KIFC3: variants seen among roughly 807,000 people sequenced by gnomAD.
KIFC3 encodes kinesin family member C3, also known as kinesin-like protein KIFC3.
KIFC3 carries 60 observed loss-of-function variants against 101.8 expected under a neutral mutation model. The ratio of observed to expected loss-of-function variants is 0.59; its 90% CI spans 0.48 to 0.73. KIFC3 has a LOEUF of 0.73. Among genes scored for constraint, KIFC3 ranks in the 30% least tolerant of loss-of-function variants. The probability of loss-of-function intolerance (pLI) is 0.00; values close to 1 mark genes in which losing one functional copy is unlikely to be tolerated. For synonymous variants in KIFC3, 476 were observed against 482.7 expected, an observed-to-expected ratio of 0.99 and a Z score of 0.18; for missense variants, 966 against 1,137.1, an observed-to-expected ratio of 0.85 and a Z score of 2.16.
intron 1 of KIFC3, among the ~76,000 whole-genome samples, chr16:57,819,955 G>A (rs986862645): frequency 3.9e-4 from 59 of 152,172 alleles, no homozygotes; most frequent in African/African-American, 1.4e-3. Flanking sequence ...TCCAACCTCC[G>A]CCTCCTGGGT....
chr16:57,847,268 AAGGG>A (rs1555482764), intron 1 of KIFC3, among the ~76,000 whole-genome samples: 1 of 58,574 alleles, frequency 1.7e-5, no homozygotes, highest in Non-Finnish European at 3.1e-5. Flanking sequence ...GGAAGGAAGG[AAGGG>A]AAGGGAGGGA....
At chr16:57,819,051 G>C (rs874505) in intron 1 of KIFC3, among the ~76,000 whole-genome samples, 70,438 of 151,864 alleles carry the variant, frequency 0.46, 17,497 homozygotes, top group African/African-American at 0.64. Flanking sequence ...TCCAGTTGCT[G>C]CCAGCCAAGA....
At chr16:57,797,577 A>C in intron 2 of KIFC3, 1 of 489,008 alleles carries the variant, frequency 2.0e-6, no homozygotes, top group Non-Finnish European at 2.8e-6. Context: ...AAATGAGCAC[A>C]TGGACCCCAA....
At chr16:57,822,435 C>T (rs2055368912) in intron 1 of KIFC3, among the ~76,000 whole-genome samples, 2 of 152,298 alleles carry the variant, frequency 1.3e-5, no homozygotes, top group South Asian at 4.1e-4. Context: ...GGCGCGGTGG[C>T]TCACACCTGT....
intron 3 of KIFC3, 26 bp from the exon 4 acceptor site, chr16:57,772,314 G>A (rs373134760): frequency 1.6e-4 from 258 of 1,603,904 alleles, no homozygotes; most frequent in Non-Finnish European, 5.0e-5. Flanking sequence ...CAGGAGCAAG[G>A]TGAGCCTCAG....
intron 3 of KIFC3, among the ~76,000 whole-genome samples, chr16:57,790,078 C>CTTTCTTTCTTTTT (rs59016221): frequency 2.8e-4 from 26 of 94,086 alleles, no homozygotes; most frequent in Non-Finnish European, 4.1e-4. Flanking sequence ...TTCTTTCTTT[C>CTTTCTTTCTTTTT]TTTTTTTTTT....
chr16:57,830,717 T>C (rs564338885), intron 1 of KIFC3: 1 of 152,314 alleles, frequency 6.6e-6, no homozygotes, highest in Non-Finnish European at 1.5e-5. Flanking sequence ...TTGGCTGAAA[T>C]AAAATGCTTT....
intron 1 of KIFC3, among the ~76,000 whole-genome samples, chr16:57,842,912 G>A (rs1004686185): frequency 2.6e-5 from 4 of 152,100 alleles, no homozygotes; most frequent in African/African-American, 4.8e-5. Context: ...CAGGAAGATC[G>A]CCTGAGGGAC....
In KIFC3 at chr16:57,802,355, G is replaced by A; in HGVS notation, c.-40+15C>T. 4 of 980,664 alleles carry A rather than the reference G, an allele frequency of 4.1e-6. No homozygotes were observed. Among genetic ancestry groups the A allele is most frequent in the South Asian group, 4.7e-5 (1 of 21,216 alleles). The allele number at this position is 980,664 out of a possible 1,614,324, so 60.7% of individuals were successfully genotyped here. ...CGCCCCGCTCGCACCCAGCCCGCCCGGGCCCCCCACTCACCGGCCTGGCGG... is the reference window on the plus strand; with the variant it reads ...CGCCCCGCTCGCACCCAGCCCGCCCAGGCCCCCCACTCACCGGCCTGGCGG... On this transcript the variant is annotated intron_variant, in intron 1 of 19. Coordinates refer to ENST00000445690, the MANE Select transcript of KIFC3 (RefSeq NM_001130100.2). This position sits in a 1 kb window ranked among gnomAD's most constrained non-coding sequence, Gnocchi z 5.0.
At chr16:57,797,521 T>C (rs1452690580) in intron 2 of KIFC3, among the ~76,000 whole-genome samples, 4 of 152,188 alleles carry the variant, frequency 2.6e-5, no homozygotes, top group African/African-American at 9.6e-5. Context: ...GCCAAGACTC[T>C]GGGACCTCTG....
intron 1 of KIFC3, among the ~76,000 whole-genome samples, chr16:57,849,042 T>C (rs527416765): frequency 3.9e-5 from 6 of 152,368 alleles, no homozygotes; most frequent in Admixed American, 1.3e-4. Flanking sequence ...ACACTTTTTC[T>C]GTGCTTTTCC....
chr16:57,835,472 T>C (rs1265715660), intron 1 of KIFC3, among the ~76,000 whole-genome samples: 1 of 152,230 alleles, frequency 6.6e-6, no homozygotes. Flanking sequence ...ATTAATATAA[T>C]AGGAGTGAAC....
At position 57,798,122 on chromosome 16, in the gene KIFC3, C is replaced by T. The variant is rs1555623853; in HGVS notation, c.122G>A (p.Ser41Asn). The change falls in exon 2 of 20, where the codon AGC (serine) becomes AAC (asparagine). Residue 41 changes from serine (S) to asparagine (N), a missense_variant. This residue lies in a region of KIFC3 where 277 missense variants were observed against 252.5 expected (regional missense o/e 1.10). Coordinates refer to ENST00000445690, the MANE Select transcript of KIFC3 (RefSeq NM_001130100.2). ...GTGTGGGAAAGGGCGGGCGGCCGGG[C>T]TGGCTGGGGCTGGGGCGGGGCGAGC... ...GMARPAPAPASPAARPFPHTG... is the reference protein window; with the variant it reads ...GMARPAPAPANPAARPFPHTG... The T allele has an allele frequency of 3.8e-6, 6 of 1,568,396 alleles. No individual in the cohort carries two copies. Among genetic ancestry groups the T allele is most frequent in the Non-Finnish European group, 5.2e-6 (6 of 1,157,188 alleles).
intron 1 of KIFC3, among the ~76,000 whole-genome samples, chr16:57,837,554 G>GAAGGAAGAAAGA (rs71152302): frequency 4.7e-4 from 47 of 100,012 alleles, no homozygotes; most frequent in South Asian, 1.5e-3. Flanking sequence ...AGGAAGGAAG[G>GAAGGAAGAAAGA]AAGAAAGAAA....
intron 10 of KIFC3, 133 bp downstream of exon 10, chr16:57,766,741 G>T: frequency 3.3e-6 from 2 of 614,458 alleles, no homozygotes; most frequent in Non-Finnish European, 5.7e-6. Flanking sequence ...TGCCTTCTCT[G>T]TGCCTCTGTT....
At position 57,763,467 on chromosome 16, in the gene KIFC3, C is replaced by T. The variant is rs1436211342; in HGVS notation, c.1617+676G>A. Among the ~76,000 whole-genome samples, 6 of 152,162 alleles carry T rather than the reference C, an allele frequency of 3.9e-5. No individual in the cohort carries two copies. The South Asian group carries it at 6.2e-4, about 16-fold the overall frequency. ...TGGCTAGCCCCTTCCCCTGTCCAGA[C>T]GCCACACCACCTGGCCTCCTCCTGA... On this transcript the variant is annotated intron_variant, in intron 12 of 19. Transcript: ENST00000445690.
At chr16:57,764,716 AG>A (rs2050258340) in intron 11 of KIFC3, among the ~76,000 whole-genome samples, 1 of 151,966 alleles carries the variant, frequency 6.6e-6, no homozygotes, top group African/African-American at 2.4e-5. Context: ...ATACAGCCTC[AG>A]GGGGTTGGGG....
At chr16:57,761,376 G>C (rs1555597386) in intron 14 of KIFC3, 37 bp downstream of exon 14, 1 of 1,613,358 alleles carries the variant, frequency 6.2e-7, no homozygotes, top group South Asian at 1.1e-5. Flanking sequence ...GTCCTCTAGA[G>C]CAGTGTGGCT....
chr16:57,768,509 T>TCACACACACACACACA (rs61591593), intron 9 of KIFC3, among the ~76,000 whole-genome samples: 23,411 of 138,934 alleles, frequency 0.17, 2,240 homozygotes, highest in African/African-American at 0.21. Context: ...CCATATATTC[T>TCACACACACACACACA]CACACACACA....
Sources: gnomAD v4.1 joint callset for allele counts (sites outside exome capture counted in the v4.1 genomes callset) on GRCh38, gnomAD v4.1.1 for gene constraint, gnomAD v4.1.1 regional missense constraint, Gnocchi (gnomAD v3.1) non-coding constraint, MANE v1.5 for transcripts, NCBI Gene and HGNC (gene_info 2026-07-23, HGNC 2026-07-21) for gene names.